The following TRPC5 variants were observed in gnomAD, a reference collection of about 807,000 sequenced individuals.
The protein encoded by TRPC5 is short transient receptor potential channel 5.
TRPC5 carries 9 observed loss-of-function variants against 56.5 expected under a neutral mutation model. The ratio of observed to expected loss-of-function variants is 0.16; its 90% CI spans 0.10 to 0.28. TRPC5 has a LOEUF of 0.28. TRPC5 is among the 10% of genes least tolerant of loss of function. The pLI, the probability that TRPC5 is intolerant of heterozygous loss-of-function variation, is 1.00. For synonymous variants in TRPC5, 282 were observed against 278.5 expected, an observed-to-expected ratio of 1.01 and a Z score of -0.13; for missense variants, 469 against 748.9, an observed-to-expected ratio of 0.63 and a Z score of 4.36.
At chrX:111,823,512 A>T (rs1247914198) in intron 7 of TRPC5, among the ~76,000 whole-genome samples, 1 of 111,254 alleles carries the variant, frequency 9.0e-6, no homozygotes, top group Non-Finnish European at 1.9e-5. Context: ...ATACAAACGA[A>T]CTTGGTAGTG....
At chrX:111,813,263 C>G (rs2148566463) in intron 7 of TRPC5, among the ~76,000 whole-genome samples, 1 of 112,341 alleles carries the variant, frequency 8.9e-6, no homozygotes, top group African/African-American at 3.2e-5. Context: ...CGACACATAG[C>G]CTTACAGATG....
chrX:111,824,965 G>C (rs1922145622), intron 7 of TRPC5, among the ~76,000 whole-genome samples: 1 of 111,082 alleles, frequency 9.0e-6, no homozygotes, highest in African/African-American at 3.3e-5. Context: ...TCAATTTTCT[G>C]TCTTTCCAAA....
intron 2 of TRPC5, among the ~76,000 whole-genome samples, chrX:111,939,930 T>A (rs968918825): frequency 5.4e-5 from 6 of 111,830 alleles, no homozygotes; most frequent in African/African-American, 1.9e-4. Context: ...TAATTTTGTG[T>A]TTGGTTTGCT....
At chrX:111,783,298 A>C (rs1399811442) in intron 7 of TRPC5, among the ~76,000 whole-genome samples, 1 of 111,616 alleles carries the variant, frequency 9.0e-6, no homozygotes, top group East Asian at 2.8e-4. Flanking sequence ...TATACGTTTA[A>C]TTTTTCTAAC....
intron 1 of TRPC5, among the ~76,000 whole-genome samples, chrX:111,982,244 G>A (rs192235470): frequency 6.4e-4 from 72 of 111,759 alleles, no homozygotes; most frequent in African/African-American, 2.1e-3. Context: ...TATAATATTC[G>A]TTATAAAATA....
At chrX:111,965,011 T>A (rs1215581096) in intron 1 of TRPC5, among the ~76,000 whole-genome samples, 1 of 111,902 alleles carries the variant, frequency 8.9e-6, no homozygotes, top group Non-Finnish European at 1.9e-5. Context: ...AATGCTCCAG[T>A]TAAAAGACAC....
Position 111,852,241 on chromosome X carries a change from A to C in TRPC5, c.1377+57T>G, listed in dbSNP as rs775257715. On this transcript the variant is annotated intron_variant, in intron 5 of 10. Transcript: ENST00000262839. Reference sequence around the variant, plus strand: ...CAAAACTCTTTATGCTCTCAGTGCAAAAGCTTAATGTAGCCAAAATCGCTG... The same window carrying C: ...CAAAACTCTTTATGCTCTCAGTGCACAAGCTTAATGTAGCCAAAATCGCTG... 8.9e-5 allele frequency: 101 copies of C among 1,139,423 alleles called. 2 individuals are homozygous for C. In the South Asian group the frequency reaches 1.9e-3, roughly 22 times the overall value. The allele number at this position is 1,139,423 out of a possible 1,213,427, so 93.9% of individuals were successfully genotyped here. A position where few individuals can be genotyped will look rare whatever the true frequency, so the allele number is the denominator to read the frequency against.
At chrX:111,922,881 T>A (rs1444179273) in intron 2 of TRPC5, among the ~76,000 whole-genome samples, 1 of 112,018 alleles carries the variant, frequency 8.9e-6, no homozygotes, top group Non-Finnish European at 1.9e-5. Context: ...GCAGCAGGGA[T>A]AAAAGTAATA....
At chrX:111,950,465 T>C (rs965725809) in intron 2 of TRPC5, among the ~76,000 whole-genome samples, 2 of 111,879 alleles carry the variant, frequency 1.8e-5, no homozygotes, top group African/African-American at 3.3e-5. Flanking sequence ...GCTATAAGGA[T>C]GCAAAGGCAT....
intron 1 of TRPC5, among the ~76,000 whole-genome samples, chrX:111,999,022 C>G (rs1276812310): frequency 9.0e-6 from 1 of 111,371 alleles, no homozygotes; most frequent in Non-Finnish European, 1.9e-5. Context: ...GTTTGCTGCA[C>G]CTATCAACCC....
chrX:111,941,222 A>C (rs1367451419), intron 2 of TRPC5, among the ~76,000 whole-genome samples: 1 of 112,038 alleles, frequency 8.9e-6, no homozygotes, highest in Non-Finnish European at 1.9e-5. Flanking sequence ...CCAGCCTGTG[A>C]TATGACCACC....
At chrX:111,837,748 G>A (rs773411779) in intron 6 of TRPC5, among the ~76,000 whole-genome samples, 4 of 110,380 alleles carry the variant, frequency 3.6e-5, no homozygotes, top group African/African-American at 9.9e-5. Context: ...AGATACAAAC[G>A]TTCCCTAAAA....
At chrX:111,968,518 A>G (rs1370804278) in intron 1 of TRPC5, among the ~76,000 whole-genome samples, 1 of 110,820 alleles carries the variant, frequency 9.0e-6, no homozygotes, top group East Asian at 2.8e-4. Flanking sequence ...ATAAAGACAC[A>G]TGCATACGTA....
At chrX:111,915,328 A>T (rs1925943487) in intron 2 of TRPC5, among the ~76,000 whole-genome samples, 1 of 111,735 alleles carries the variant, frequency 8.9e-6, no homozygotes, top group African/African-American at 3.3e-5. Flanking sequence ...AGTACCTAAC[A>T]CCAGAGAGGA....
At chrX:112,029,971 G>A (rs1014738345) in intron 1 of TRPC5, among the ~76,000 whole-genome samples, 12 of 110,934 alleles carry the variant, frequency 1.1e-4, no homozygotes, top group Non-Finnish European at 2.1e-4. Context: ...GGGATCACAG[G>A]CTTGTGCAAC....
Position 111,885,555 on chromosome X carries a change from T to A in TRPC5, c.900+26736A>T, listed in dbSNP as rs762444126. ...TCTAATCAAAGGGTTTTTTTTTTTTTTTAAAAAAAGAAAACTTTTCTTTGT... is the reference window on the plus strand; with the variant it reads ...TCTAATCAAAGGGTTTTTTTTTTTTATTAAAAAAAGAAAACTTTTCTTTGT... On this transcript the variant is annotated intron_variant, in intron 3 of 10. Coordinates refer to ENST00000262839, the MANE Select transcript of TRPC5 (RefSeq NM_012471.3). Among the ~76,000 whole-genome samples the A allele has an allele frequency of 3.3e-3, 358 of 108,768 alleles. 2 individuals carry two copies. In the South Asian group the frequency reaches 0.053, roughly 16 times the overall value. The allele number at this position is 108,768 out of a possible 115,157, so 94.5% of individuals were successfully genotyped here.
At chrX:112,006,984 G>T (rs1928861612) in intron 1 of TRPC5, among the ~76,000 whole-genome samples, 1 of 111,489 alleles carries the variant, frequency 9.0e-6, no homozygotes, top group South Asian at 3.8e-4. Flanking sequence ...TGCTCAGATA[G>T]CATGACTATG....
rs899517936 is a variant in TRPC5, at chrX:111,769,543, G to A, written c.*6770C>T. Among the ~76,000 whole-genome samples the A allele has an allele frequency of 1.8e-5, 2 of 111,287 alleles. No individual in the cohort carries two copies. The highest frequency in any genetic ancestry group is 1.9e-5 in the Non-Finnish European group (1 of 53,003). On this transcript the variant is annotated 3_prime_UTR_variant, in exon 11 of 11. Transcript: ENST00000262839. The stretch of plus-strand genomic sequence containing the variant: ...ATTCTATAACTTGATTTTGGCTGGT[G>A]CTTCCAGGGGTATATACAACTCTGA...
At chrX:111,823,379 G>C (rs1569525870) in intron 7 of TRPC5, among the ~76,000 whole-genome samples, 1 of 111,834 alleles carries the variant, frequency 8.9e-6, no homozygotes, top group East Asian at 2.8e-4. Context: ...ATATTATATA[G>C]TCCATTTACT....
Sources: allele counts gnomAD v4.1 joint callset (sites outside exome capture counted in the v4.1 genomes callset), GRCh38; gene constraint gnomAD v4.1.1; transcripts MANE v1.5; gene names NCBI Gene and HGNC (gene_info 2026-07-23, HGNC 2026-07-21).